The following TMEM132B variants were observed in gnomAD, a reference collection of about 807,000 sequenced individuals.
The protein encoded by TMEM132B is transmembrane protein 132B.
TMEM132B carries 18 observed loss-of-function variants against 90.8 expected under a neutral mutation model. The observed-to-expected ratio is 0.20, with a 90% confidence interval of 0.14 to 0.29. The LOEUF (loss-of-function observed/expected upper bound fraction) is 0.29. TMEM132B is among the 10% of genes least tolerant of loss of function. The pLI is 1.00. For missense variants in TMEM132B, 1,096 were observed against 1,326.8 expected (o/e 0.83, Z 2.70); for synonymous variants, 504 against 523.3 (o/e 0.96, Z 0.50).
At chr12:125,563,146 CGTAATAATAATA>C (rs1018567752) in intron 4 of TMEM132B, among the ~76,000 whole-genome samples, 12 of 92,548 alleles carry the variant, frequency 1.3e-4, no homozygotes, top group South Asian at 7.4e-4. Flanking sequence ...CACCATAATG[CGTAATAATAATA>C]ATAATAATAA....
rs59220510 is a variant in TMEM132B, at chr12:125,325,669, CTGTGTGTGTGTGTGTGTGTGTGTGTG to C, written c.68-23757_68-23732del. 2.3e-3 allele frequency among the ~76,000 whole-genome samples: 289 copies of C among 124,396 alleles called. 1 individual carries two copies. The highest frequency in any genetic ancestry group is 7.9e-3 in the African/African-American group (276 of 35,094). 81.6% of individuals were successfully genotyped at this position (124,396 alleles called of 152,430 possible). On this transcript the variant is annotated intron_variant, in intron 1 of 8. Coordinates refer to ENST00000682704, the MANE Select transcript of TMEM132B (RefSeq NM_001366854.1). The stretch of plus-strand genomic sequence containing the variant: ...TTGCATTCTTTCCCTGCCTCCCACC[CTGTGTGTGTGTGTGTGTGTGTGTGTG>C]TGTGTGTGTGTGTGTGTGTGTGTGT...
chr12:125,517,327 A>ATTT (rs56147854), intron 3 of TMEM132B, among the ~76,000 whole-genome samples: 3 of 28,478 alleles, frequency 1.1e-4, no homozygotes, highest in Non-Finnish European at 2.2e-4. Flanking sequence ...TGCCCTGCTG[A>ATTT]TTTTTTTTTT....
rs1397754172 is a variant in TMEM132B, at chr12:125,246,818, C to T, written c.67+59952C>T. On this transcript the variant is annotated intron_variant, in intron 1 of 8. Coordinates refer to ENST00000682704, the MANE Select transcript of TMEM132B (RefSeq NM_001366854.1). This position sits in a 1 kb window ranked among gnomAD's most constrained non-coding sequence, Gnocchi z 4.2. Reference sequence around the variant, plus strand: ...CTGGAGGCATCTGTCATTTTGAATCCATCTGCTTGTTAGGCACTTCCAGTG... The same window carrying T: ...CTGGAGGCATCTGTCATTTTGAATCTATCTGCTTGTTAGGCACTTCCAGTG... 6.6e-6 allele frequency among the ~76,000 whole-genome samples: 1 copy of T among 151,902 alleles called. No individual in the cohort carries two copies. Among genetic ancestry groups the T allele is most frequent in the Non-Finnish European group, 1.5e-5 (1 of 67,986 alleles).
intron 1 of TMEM132B, among the ~76,000 whole-genome samples, chr12:125,244,369 T>A (rs888181459): frequency 6.6e-6 from 1 of 152,178 alleles, no homozygotes; most frequent in Non-Finnish European, 1.5e-5. Flanking sequence ...GAGGTGGGTG[T>A]GAGGCATGAC....
intron 3 of TMEM132B, among the ~76,000 whole-genome samples, chr12:125,446,870 A>AT (rs999536116): frequency 2.0e-5 from 3 of 152,208 alleles, no homozygotes; most frequent in African/African-American, 7.2e-5. Context: ...GGACCAGAGT[A>AT]TTGCATTTTG....
chr12:125,219,894 C>T (rs928121726), intron 1 of TMEM132B, among the ~76,000 whole-genome samples: 1 of 152,250 alleles, frequency 6.6e-6, no homozygotes, highest in Non-Finnish European at 1.5e-5. Context: ...TGACGGCCCC[C>T]TTTGCTGAGG....
intron 2 of TMEM132B, among the ~76,000 whole-genome samples, chr12:125,357,192 G>A (rs1046460811): frequency 3.3e-5 from 5 of 152,180 alleles, no homozygotes; most frequent in Admixed American, 6.5e-5. Context: ...ATATAAATAA[G>A]TAACAATTTC....
intron 1 of TMEM132B, among the ~76,000 whole-genome samples, chr12:125,268,385 C>T (rs1044142103): frequency 6.6e-6 from 1 of 152,208 alleles, no homozygotes; most frequent in Non-Finnish European, 1.5e-5. Flanking sequence ...TGCAACCCTG[C>T]AGTAGCATAA....
At chr12:125,574,743 T>A (rs1047639941) in intron 4 of TMEM132B, among the ~76,000 whole-genome samples, 1 of 151,994 alleles carries the variant, frequency 6.6e-6, no homozygotes, top group Non-Finnish European at 1.5e-5. Flanking sequence ...TTATATCTAC[T>A]TCTTGGAGTT....
chr12:125,234,685 A>G (rs1237054776), intron 1 of TMEM132B, among the ~76,000 whole-genome samples: 1 of 152,172 alleles, frequency 6.6e-6, no homozygotes, highest in Non-Finnish European at 1.5e-5. Flanking sequence ...TCCTCTGTTC[A>G]AGATGGGATC....
chr12:125,387,392 G>A (rs1566020107), intron 2 of TMEM132B, among the ~76,000 whole-genome samples: 1 of 152,186 alleles, frequency 6.6e-6, no homozygotes, highest in Non-Finnish European at 1.5e-5. Context: ...TCTCTTATCT[G>A]TGTGCAGTGG....
intron 5 of TMEM132B, among the ~76,000 whole-genome samples, chr12:125,636,966 CCTT>C (rs931650085): frequency 1.3e-5 from 2 of 152,194 alleles, no homozygotes; most frequent in African/African-American, 4.8e-5. Context: ...TTGCTTGAAT[CCTT>C]CTTATCAGCT....
rs186898903 is a variant in TMEM132B at position 125,400,920 on chromosome 12, G to A, written c.960-14611G>A. Among the ~76,000 whole-genome samples, 39 of 152,276 alleles carry A rather than the reference G, an allele frequency of 2.6e-4. No individual in the cohort carries two copies. The East Asian group carries it at 4.2e-3, about 17-fold the overall frequency. ...GCCCACAGAGTGTTCTGAGGACCCC[G>A]TGCTTCAGAAGGGCAACTTGTTTAA... On this transcript the variant is annotated intron_variant, in intron 2 of 8. Coordinates refer to ENST00000682704, the MANE Select transcript of TMEM132B (RefSeq NM_001366854.1).
rs533513266 is a variant in TMEM132B, at chr12:125,207,710, C to T, written c.67+20844C>T. 4.6e-5 allele frequency among the ~76,000 whole-genome samples: 7 copies of T among 152,326 alleles called. No homozygotes were observed. In the East Asian group the frequency reaches 1.2e-3, roughly 25 times the overall value. On this transcript the variant is annotated intron_variant, in intron 1 of 8. Coordinates refer to ENST00000682704, the MANE Select transcript of TMEM132B (RefSeq NM_001366854.1). ...ACTTTTTCATTTTGCAAAATGGAAA[C>T]CCCATACCCATTAATCAGTAACTCC...
rs987450003 is a variant in TMEM132B at position 125,655,994 on chromosome 12, T to C, written c.*1284T>C. 2 of 149,524 alleles carry C rather than the reference T, an allele frequency of 1.3e-5. No individual in the cohort carries two copies. Among genetic ancestry groups the C allele is most frequent in the Admixed American group, 1.3e-4 (2 of 14,978 alleles). 9.3% of individuals were successfully genotyped at this position (149,524 alleles called of 1,614,324 possible). A position where few individuals can be genotyped will look rare whatever the true frequency, so the allele number is the denominator to read the frequency against. On this transcript the variant is annotated 3_prime_UTR_variant, in exon 9 of 9. Transcript: ENST00000682704. ...TACAAATAAATGACTATTCCAGAAC[T>C]CAAGAAGCAGCTATTATAGAAAAAA...
At chr12:125,528,793 A>G (rs1381115796) in intron 4 of TMEM132B, among the ~76,000 whole-genome samples, 2 of 152,302 alleles carry the variant, frequency 1.3e-5, no homozygotes, top group East Asian at 1.9e-4. Flanking sequence ...CATGTTTTGC[A>G]TGTTATATGT....
At chr12:125,216,592 C>T (rs1009383660) in intron 1 of TMEM132B, among the ~76,000 whole-genome samples, 1 of 152,182 alleles carries the variant, frequency 6.6e-6, no homozygotes, top group Non-Finnish European at 1.5e-5. Context: ...TGGCATTGCC[C>T]TTGGAATTAC....
intron 1 of TMEM132B, among the ~76,000 whole-genome samples, chr12:125,206,979 G>A (rs760015361): frequency 3.3e-5 from 5 of 152,140 alleles, no homozygotes; most frequent in Admixed American, 3.3e-4. Context: ...TAAGAGCCCC[G>A]CCTGTTTCTC....
At chr12:125,206,921 C>T (rs773588332) in intron 1 of TMEM132B, among the ~76,000 whole-genome samples, 3 of 152,192 alleles carry the variant, frequency 2.0e-5, no homozygotes, top group Admixed American at 1.3e-4. Flanking sequence ...GCAATTGGCT[C>T]GTTCCTCCCA....
Sources: gnomAD v4.1 joint callset for allele counts (sites outside exome capture counted in the v4.1 genomes callset) on GRCh38, gnomAD v4.1.1 for gene constraint, Gnocchi (gnomAD v3.1) non-coding constraint, MANE v1.5 for transcripts, NCBI Gene and HGNC (gene_info 2026-07-23, HGNC 2026-07-21) for gene names.